Variants in PCDHA7 observed in about 807,000 individuals in gnomAD.
PCDHA7 encodes protocadherin alpha 7.
A neutral mutation model predicts 57.2 loss-of-function variants in PCDHA7; 37 were observed. The ratio of observed to expected loss-of-function variants is 0.65; its 90% CI spans 0.50 to 0.85. PCDHA7 has a LOEUF of 0.85. Ranked by LOEUF, PCDHA7 falls within the 40% of genes least tolerant of loss-of-function variation. PCDHA7 has a pLI of 0.00. For missense variants in PCDHA7, 1,188 were observed against 1,241.8 expected (o/e 0.96, Z 0.65); for synonymous variants, 553 against 558.8 (o/e 0.99, Z 0.15).
At chr5:140,928,885 C>T in intron 1 of PCDHA7, 1 of 1,614,194 alleles carries the variant, frequency 6.2e-7, no homozygotes, top group Non-Finnish European at 8.5e-7. Context: ...TCAGTTACTT[C>T]CAGACTTTGA....
At chr5:140,968,539 C>T (rs781815829) in intron 1 of PCDHA7, 30 of 1,614,078 alleles carry the variant, frequency 1.9e-5, no homozygotes, top group East Asian at 6.7e-5. Context: ...CAGCAGCCTT[C>T]GAGATGGTGC....
At chr5:140,945,366 T>A (rs1367581632) in intron 1 of PCDHA7, among the ~76,000 whole-genome samples, 6 of 152,036 alleles carry the variant, frequency 3.9e-5, no homozygotes, top group Non-Finnish European at 8.8e-5. Context: ...GTTTAAAATG[T>A]CCATATTACC....
intron 3 of PCDHA7, among the ~76,000 whole-genome samples, chr5:141,000,842 G>A (rs2097967739): frequency 1.3e-5 from 2 of 151,954 alleles, no homozygotes; most frequent in Non-Finnish European, 2.9e-5. Flanking sequence ...AGGAGATCCA[G>A]TCTGGCAGTC....
chr5:140,949,075 C>G (rs1459435331), intron 1 of PCDHA7, among the ~76,000 whole-genome samples: 1 of 151,470 alleles, frequency 6.6e-6, no homozygotes, highest in Non-Finnish European at 1.5e-5. Flanking sequence ...ACTCTTTCAC[C>G]CATTTATTAC....
intron 1 of PCDHA7, chr5:140,884,047 G>A: frequency 1.9e-6 from 3 of 1,613,390 alleles, no homozygotes; most frequent in East Asian, 2.2e-5. Flanking sequence ...TGGTGGCGAA[G>A]GTGCGCGCGG....
intron 3 of PCDHA7, among the ~76,000 whole-genome samples, chr5:141,006,540 A>T (rs868906531): frequency 1.6e-4 from 25 of 152,182 alleles, no homozygotes; most frequent in Admixed American, 3.3e-4. Context: ...AAAGAGAGAC[A>T]TTAAGAAATA....
rs782094851 is a variant in PCDHA7, at chr5:140,857,519, T to C, written c.2355+20781T>C. 175 of 1,597,972 alleles carry C rather than the reference T, an allele frequency of 1.1e-4. 14 individuals are homozygous for C. The highest frequency in any genetic ancestry group is 1.4e-4 in the Non-Finnish European group (163 of 1,167,816). On this transcript the variant is annotated intron_variant, in intron 1 of 3. Coordinates refer to ENST00000525929, the MANE Select transcript of PCDHA7 (RefSeq NM_018910.3). ...CGCGCAGGAGAACGCCCTGGTGTCCTACTCTCTGGTGGAGCGGCGGTTGGG... is the reference window on the plus strand; with the variant it reads ...CGCGCAGGAGAACGCCCTGGTGTCCCACTCTCTGGTGGAGCGGCGGTTGGG...
At chr5:141,008,704 T>C (rs1485324733) in intron 3 of PCDHA7, among the ~76,000 whole-genome samples, 1 of 152,236 alleles carries the variant, frequency 6.6e-6, no homozygotes, top group East Asian at 1.9e-4. Context: ...AGTTGGTTTC[T>C]AGTTGCTTGA....
intron 1 of PCDHA7, among the ~76,000 whole-genome samples, chr5:140,943,827 A>T (rs1474835023): frequency 2.0e-5 from 3 of 152,208 alleles, no homozygotes; most frequent in Non-Finnish European, 4.4e-5. Flanking sequence ...AAATGAGTTG[A>T]TTGAAGTTGT....
chr5:140,889,766 A>T (rs2062380294), intron 1 of PCDHA7, among the ~76,000 whole-genome samples: 1 of 152,064 alleles, frequency 6.6e-6, no homozygotes, highest in Non-Finnish European at 1.5e-5. Flanking sequence ...TTGAACTTTG[A>T]CTGGTCTTAA....
chr5:140,993,631 G>C (rs1466996708), intron 3 of PCDHA7, among the ~76,000 whole-genome samples: 1 of 152,046 alleles, frequency 6.6e-6, no homozygotes, highest in African/African-American at 2.4e-5. Context: ...ATATATAGTC[G>C]TGTACCAAAT....
At chr5:140,925,989 G>A (rs2082853255) in intron 1 of PCDHA7, among the ~76,000 whole-genome samples, 1 of 152,212 alleles carries the variant, frequency 6.6e-6, no homozygotes, top group East Asian at 1.9e-4. Context: ...GAGCTCGCTG[G>A]CTCCGCTGCC....
intron 3 of PCDHA7, among the ~76,000 whole-genome samples, chr5:140,993,190 CTCACTAAAGCTAATTTTTT>C (rs2097544277): frequency 6.6e-6 from 1 of 152,022 alleles, no homozygotes; most frequent in Non-Finnish European, 1.5e-5. Flanking sequence ...TAGAGGGAAA[CTCACTAAAGCTAATTTTTT>C]TAGCTTTTTG....
chr5:140,872,729 A>T (rs578008508), intron 1 of PCDHA7, among the ~76,000 whole-genome samples: 15 of 152,366 alleles, frequency 9.8e-5, no homozygotes, highest in African/African-American at 3.6e-4. Flanking sequence ...AAATTATTCA[A>T]ATTATCTAAA....
intron 1 of PCDHA7, among the ~76,000 whole-genome samples, chr5:140,937,771 G>T (rs558321540): frequency 6.6e-6 from 1 of 151,436 alleles, no homozygotes; most frequent in Non-Finnish European, 1.5e-5. Context: ...AATTAGTCGG[G>T]CGTGGTGGCG....
At chr5:140,863,467 G>C (rs2048034330) in intron 1 of PCDHA7, 2 of 502,402 alleles carry the variant, frequency 4.0e-6, no homozygotes, top group Non-Finnish European at 7.8e-6. Context: ...TTTTACTCTG[G>C]AGAGTCGCCT....
Position 140,835,221 on chromosome 5 carries a change from T to G in PCDHA7, c.838T>G (p.Ser280Ala), listed in dbSNP as rs2150232030. Residue 280 changes from serine to alanine, a missense_variant, in exon 1 of 4, where the codon TCC becomes GCC. Physicochemically the swap from Ser to Ala is moderately conservative, Grantham distance 99 (BLOSUM62 1). Transcript: ENST00000525929. ...DEGLNGDIIY[S>A]FSSDVSPDIK... ...AGGCTTGAATGGGGATATTATTTACTCCTTCTCCAGTGATGTTTCTCCAGA... is the reference window on the plus strand; with the variant it reads ...AGGCTTGAATGGGGATATTATTTACGCCTTCTCCAGTGATGTTTCTCCAGA... 1.3e-6 allele frequency: 2 copies of G among 1,587,286 alleles called. No homozygotes were observed. Among genetic ancestry groups the G allele is most frequent in the Admixed American group, 1.8e-5 (1 of 56,650 alleles).
At chr5:140,967,555 C>G (rs782586326) in intron 1 of PCDHA7, 3 of 1,614,008 alleles carry the variant, frequency 1.9e-6, no homozygotes, top group Non-Finnish European at 2.5e-6. Context: ...CCACTTATCG[C>G]GTCCAGCTAC....
intron 1 of PCDHA7, among the ~76,000 whole-genome samples, chr5:140,901,207 T>G (rs894216497): frequency 6.6e-6 from 1 of 152,206 alleles, no homozygotes; most frequent in Non-Finnish European, 1.5e-5. Flanking sequence ...AGAAGGTTTT[T>G]AAGTTGATGT....
Sources: allele counts gnomAD v4.1 joint callset (sites outside exome capture counted in the v4.1 genomes callset), GRCh38; gene constraint gnomAD v4.1.1; transcripts MANE v1.5; gene names NCBI Gene and HGNC (gene_info 2026-07-23, HGNC 2026-07-21).